TMEM181: variants seen among roughly 807,000 people sequenced by gnomAD.
TMEM181 encodes transmembrane protein 181, also known as G protein-coupled receptor 178.
Under a neutral mutation model 71.9 loss-of-function variants are expected in TMEM181, and 39 were observed. The ratio of observed to expected loss-of-function variants is 0.54; its 90% CI spans 0.42 to 0.71. TMEM181 has a LOEUF of 0.71. Among genes scored for constraint, TMEM181 ranks in the 30% least tolerant of loss-of-function variants. The pLI, the probability that TMEM181 is intolerant of heterozygous loss-of-function variation, is 0.00. For missense variants in TMEM181, 595 were observed against 583.0 expected (o/e 1.02, Z -0.21); for synonymous variants, 245 against 228.8 (o/e 1.07, Z -0.64).
In TMEM181 at chr6:158,571,500, G is replaced by A. The variant is rs1405903410; in HGVS notation, c.9-1920G>A. On this transcript the variant is annotated intron_variant, in intron 1 of 16. Transcript: ENST00000684151. ...TTTTTAGTAGAGACGGGGTTTCATC[G>A]TGTTGGCCAGGATGGTCTCAATCTC... Among the ~76,000 whole-genome samples the A allele has an allele frequency of 1.5e-4, 19 of 125,268 alleles. 2 individuals are homozygous for A. Among genetic ancestry groups the A allele is most frequent in the East Asian group, 4.1e-4 (2 of 4,934 alleles). The allele number at this position is 125,268 out of a possible 152,430, so 82.2% of individuals were successfully genotyped here.
upstream of TMEM181, among the ~76,000 whole-genome samples, chr6:158,558,173 C>T (rs1440208529): frequency 1.3e-5 from 2 of 152,170 alleles, no homozygotes; most frequent in African/African-American, 2.4e-5. Context: ...TGACAGTTTC[C>T]TCTCGCTGGA....
chr6:158,623,584 C>G lies in TMEM181; in HGVS notation c.931C>G (p.Arg311Gly), dbSNP rs779632240. 1.1e-5 allele frequency: 18 copies of G among 1,582,400 alleles called. No individual in the cohort carries two copies. Among genetic ancestry groups the G allele is most frequent in the Non-Finnish European group, 1.2e-5 (14 of 1,161,542 alleles). ...ATTACATGATCCAATGTACCAGTAT[C>G]GAGTTGATACCGGAAATTTTCAGGT... ...NELHDPMYQY[R>G]VDTGNFQGMK... The change falls in exon 11 of 17, where the codon CGA (arginine) becomes GGA (glycine). Residue 311 changes from arginine (R) to glycine (G), a missense_variant. Coordinates refer to ENST00000684151, the MANE Select transcript of TMEM181 (RefSeq NM_001376852.1).
At chr6:158,597,554 G>T (rs1320957678) in intron 6 of TMEM181, among the ~76,000 whole-genome samples, 2 of 151,866 alleles carry the variant, frequency 1.3e-5, no homozygotes, top group East Asian at 3.9e-4. Context: ...AATCTAGAGT[G>T]CAGTGGCACG....
At chr6:158,583,527 C>A (rs574682428) in intron 3 of TMEM181, among the ~76,000 whole-genome samples, 1 of 152,258 alleles carries the variant, frequency 6.6e-6, no homozygotes, top group South Asian at 2.1e-4. Context: ...CATGGCCGGG[C>A]GCAGTGGCTA....
intron 4 of TMEM181, among the ~76,000 whole-genome samples, chr6:158,585,016 T>C (rs1037972262): frequency 4.5e-4 from 69 of 152,236 alleles, no homozygotes; most frequent in Middle Eastern, 3.2e-3. Flanking sequence ...ATTAAAAATA[T>C]AAGTTCATTA....
At chr6:158,568,636 TGGTCACTGAGACTTACTC>T (rs1359779284) in intron 1 of TMEM181, among the ~76,000 whole-genome samples, 1 of 152,184 alleles carries the variant, frequency 6.6e-6, no homozygotes, top group Non-Finnish European at 1.5e-5. Context: ...TGGGCTCTCT[TGGTCACTGAGACTTACTC>T]GGTCACTGGT....
Position 158,625,044 on chromosome 6 carries a change from T to C in TMEM181, c.955-60T>C, listed in dbSNP as rs6905898. The C allele has an allele frequency of 6.9e-6, 9 of 1,304,378 alleles. No homozygotes were observed. In the East Asian group the frequency reaches 1.8e-4, roughly 27 times the overall value. 80.8% of individuals were successfully genotyped at this position (1,304,378 alleles called of 1,614,324 possible). A position where few individuals can be genotyped will look rare whatever the true frequency, so the allele number is the denominator to read the frequency against. ...GTGGCTTTCCTGCCTGTGGTGGTGC[T>C]GGGAGGAGAAGGTCACAGAGGCCCT... On this transcript the variant is annotated intron_variant, in intron 11 of 16. Transcript: ENST00000684151.
chr6:158,538,603 C>T (rs1026877973), intron 1 of TMEM181, among the ~76,000 whole-genome samples: 3 of 152,200 alleles, frequency 2.0e-5, no homozygotes, highest in Non-Finnish European at 4.4e-5. Context: ...AATGTATTCA[C>T]CTGGTAGTTA....
chr6:158,626,145 G>A (rs1347089853), intron 13 of TMEM181, among the ~76,000 whole-genome samples: 2 of 152,204 alleles, frequency 1.3e-5, no homozygotes, highest in African/African-American at 4.8e-5. Context: ...TGAGCAGCAT[G>A]CTCCATTGCT....
intron 3 of TMEM181, among the ~76,000 whole-genome samples, chr6:158,581,267 C>T (rs952546544): frequency 6.6e-6 from 1 of 152,198 alleles, no homozygotes; most frequent in Non-Finnish European, 1.5e-5. Flanking sequence ...GTGGCTAACT[C>T]ATCCTGATTC....
intron 13 of TMEM181, chr6:158,626,841 C>CCCTCATTTTCACACAT: frequency 2.4e-6 from 1 of 412,868 alleles, no homozygotes; most frequent in South Asian, 1.7e-5. Flanking sequence ...TTCACACACA[C>CCCTCATTTTCACACAT]CCTCATTTTC....
intron 7 of TMEM181, 83 bp downstream of exon 7, chr6:158,605,430 C>T: frequency 7.9e-7 from 1 of 1,265,658 alleles, no homozygotes; most frequent in Non-Finnish European, 1.1e-6. Flanking sequence ...TCGGTGCAAG[C>T]CACATGGAGA....
chr6:158,544,887 A>C (rs1304181769), intron 1 of TMEM181, among the ~76,000 whole-genome samples: 1 of 152,252 alleles, frequency 6.6e-6, no homozygotes, highest in Non-Finnish European at 1.5e-5. Flanking sequence ...ATAACTTAAA[A>C]AAATTAAATT....
In TMEM181 at chr6:158,629,711, C is replaced by T. The variant is rs1429421325; in HGVS notation, c.1193-19C>T. The T allele has an allele frequency of 6.3e-7, 1 of 1,589,906 alleles. No individual in the cohort carries two copies. Among genetic ancestry groups the T allele is most frequent in the Non-Finnish European group, 8.6e-7 (1 of 1,166,438 alleles). ...ACTGATGTGTCCAGATGCCGCGTTCCTTCCCTTGACAGCACCACCAGCCGA... is the reference window on the plus strand; with the variant it reads ...ACTGATGTGTCCAGATGCCGCGTTCTTTCCCTTGACAGCACCACCAGCCGA... On this transcript the variant is annotated intron_variant, in intron 14 of 16. Transcript: ENST00000684151.
At chr6:158,604,857 T>A (rs986623211) in intron 6 of TMEM181, among the ~76,000 whole-genome samples, 1 of 152,178 alleles carries the variant, frequency 6.6e-6, no homozygotes, top group Admixed American at 6.5e-5. Context: ...ACATTTGAAA[T>A]TATTTTTCGC....
At chr6:158,572,552 T>C in intron 1 of TMEM181, 2 of 452,212 alleles carry the variant, frequency 4.4e-6, no homozygotes, top group East Asian at 1.4e-4. Flanking sequence ...ACAGCCATGC[T>C]CGTGCGTCCT....
At chr6:158,588,756 G>A (rs1783931068) in intron 5 of TMEM181, among the ~76,000 whole-genome samples, 1 of 152,188 alleles carries the variant, frequency 6.6e-6, no homozygotes, top group Non-Finnish European at 1.5e-5. Context: ...CCACCTTCTT[G>A]TCTTTTTTAA....
intron 1 of TMEM181, among the ~76,000 whole-genome samples, chr6:158,540,874 G>A (rs537922944): frequency 8.5e-4 from 129 of 152,124 alleles, no homozygotes; most frequent in African/African-American, 2.8e-3. Flanking sequence ...CTCCTCTCCC[G>A]CAGCCTCCCA....
chr6:158,583,092 G>T (rs1431840709), intron 3 of TMEM181, among the ~76,000 whole-genome samples: 1 of 152,064 alleles, frequency 6.6e-6, no homozygotes, highest in Non-Finnish European at 1.5e-5. Context: ...AATTAGCTGG[G>T]TGTGGTGGCA....
Sources: gnomAD v4.1 joint callset for allele counts (sites outside exome capture counted in the v4.1 genomes callset) on GRCh38, gnomAD v4.1.1 for gene constraint, MANE v1.5 for transcripts, NCBI Gene and HGNC (gene_info 2026-07-23, HGNC 2026-07-21) for gene names.